The following LARGE1 variants were observed in gnomAD, a reference collection of about 807,000 sequenced individuals.
LARGE1 encodes the protein xylosyl- and glucuronyltransferase LARGE1.
Under a neutral mutation model 87.6 loss-of-function variants are expected in LARGE1, and 43 were observed. The observed-to-expected ratio is 0.49, with a 90% CI of 0.38 to 0.63. The LOEUF is 0.63. Ranked by LOEUF, LARGE1 falls within the 30% of genes least tolerant of loss-of-function variation. LARGE1 has a pLI of 0.00. For synonymous variants in LARGE1, 434 were observed against 394.6 expected (o/e 1.10, Z -1.18); for missense variants, 802 against 1,000.2 (o/e 0.80, Z 2.67).
chr22:33,249,691 T>C (rs935529299), intron 11 of LARGE1, among the ~76,000 whole-genome samples: 21 of 152,228 alleles, frequency 1.4e-4, no homozygotes, highest in African/African-American at 4.8e-4. Context: ...TTTAGGTCTA[T>C]GATCCACTTT....
intron 11 of LARGE1, among the ~76,000 whole-genome samples, chr22:33,180,883 A>T (rs997991573): frequency 6.6e-6 from 1 of 152,128 alleles, no homozygotes; most frequent in Non-Finnish European, 1.5e-5. Context: ...AAATCGAGAG[A>T]CAAAAAGTAG....
chr22:33,908,662 G>T (rs1042088305), intron 1 of LARGE1, among the ~76,000 whole-genome samples: 1 of 152,094 alleles, frequency 6.6e-6, no homozygotes, highest in Admixed American at 6.6e-5. Flanking sequence ...GCCAGTGAGG[G>T]TAAGTACACA....
At chr22:33,327,061 G>A (rs866453198) in intron 10 of LARGE1, among the ~76,000 whole-genome samples, 11 of 152,146 alleles carry the variant, frequency 7.2e-5, no homozygotes, top group Non-Finnish European at 1.6e-4. Context: ...GGCGACATGC[G>A]GCTCGCACGT....
chr22:33,179,643 T>C (rs1413865381), intron 11 of LARGE1, among the ~76,000 whole-genome samples: 1 of 152,194 alleles, frequency 6.6e-6, no homozygotes, highest in Non-Finnish European at 1.5e-5. Flanking sequence ...CTCTTCTGTA[T>C]ATCCCAACAA....
intron 11 of LARGE1, among the ~76,000 whole-genome samples, chr22:33,245,058 C>T (rs2015251325): frequency 6.6e-6 from 1 of 152,180 alleles, no homozygotes. Flanking sequence ...CCATTTAGTC[C>T]ATCCCTGGAG....
chr22:33,796,435 T>C (rs2085986380), intron 1 of LARGE1, among the ~76,000 whole-genome samples: 1 of 152,072 alleles, frequency 6.6e-6, no homozygotes, highest in Admixed American at 6.6e-5. Flanking sequence ...GCAAAGCCAC[T>C]AGCGAAATGA....
intron 9 of LARGE1, among the ~76,000 whole-genome samples, chr22:33,338,658 A>AG (rs1307256292): frequency 6.6e-6 from 1 of 152,242 alleles, no homozygotes; most frequent in East Asian, 1.9e-4. Flanking sequence ...ATGCCTATAA[A>AG]GCATGTAAAT....
rs77182445 is a variant in LARGE1 at position 33,465,021 on chromosome 22, T to C, written c.788-32756A>G. On this transcript the variant is annotated intron_variant, in intron 6 of 14. Transcript: ENST00000397394. ...AAAACCCTAGGAGATACATAAATAG[T>C]ACTCACAGAAGTATTAGGAATAGCC... is the stretch of plus-strand genomic sequence containing the variant. Among the ~76,000 whole-genome samples the C allele has an allele frequency of 4.8e-3, 724 of 152,296 alleles. 9 individuals are homozygous for C. Among genetic ancestry groups the C allele is most frequent in the African/African-American group, 0.017 (693 of 41,546 alleles).
chr22:33,433,427 T>C (rs1394111739), intron 6 of LARGE1, among the ~76,000 whole-genome samples: 1 of 151,676 alleles, frequency 6.6e-6, no homozygotes, highest in South Asian at 2.1e-4. Context: ...AAACCCCATC[T>C]CTACTAAAAA....
intron 2 of LARGE1, among the ~76,000 whole-genome samples, chr22:33,708,881 G>A (rs1192089284): frequency 1.3e-5 from 2 of 152,050 alleles, no homozygotes; most frequent in Admixed American, 6.5e-5. Flanking sequence ...TTACAGGCGC[G>A]AGCCATCACC....
At chr22:33,821,788 T>C (rs2146261238) in intron 1 of LARGE1, among the ~76,000 whole-genome samples, 1 of 152,204 alleles carries the variant, frequency 6.6e-6, no homozygotes, top group East Asian at 1.9e-4. Flanking sequence ...AATACATTAT[T>C]GGAAATCTTC....
In LARGE1 at chr22:33,651,045, A is replaced by G. The variant is rs898632394; in HGVS notation, c.107-377T>C. 2.6e-5 allele frequency among the ~76,000 whole-genome samples: 4 copies of G among 151,804 alleles called. No individual in the cohort carries two copies. The South Asian group carries it at 8.3e-4, about 32-fold the overall frequency. ...AAAGACAAGGGAGGGGAGAAGGAGT[A>G]CCAGGAAGTGGAGGGGAGCAAGAGG... On this transcript the variant is annotated intron_variant, in intron 2 of 14. Transcript: ENST00000397394.
intron 4 of LARGE1, among the ~76,000 whole-genome samples, chr22:33,612,143 G>A (rs1044962067): frequency 5.1e-5 from 6 of 117,590 alleles, no homozygotes; most frequent in Non-Finnish European, 8.5e-5. Context: ...CGCTCTTATT[G>A]CCCAGGCTAG....
Position 33,616,963 on chromosome 22 carries a change from TTTAC to T in LARGE1, c.491+9277_491+9280del, listed in dbSNP as rs571966952. ...CTTTTAAAGAGCAAATTTTATCATA[TTTAC>T]TTATTCATCTCAGAGGAATAGGCAA... On this transcript the variant is annotated intron_variant, in intron 4 of 14. Coordinates refer to ENST00000397394, the MANE Select transcript of LARGE1 (RefSeq NM_133642.5). Among the ~76,000 whole-genome samples the T allele has an allele frequency of 3.8e-3, 576 of 152,366 alleles. 2 individuals carry two copies. Among genetic ancestry groups the T allele is most frequent in the Non-Finnish European group, 5.7e-3 (391 of 68,038 alleles).
chr22:33,645,613 A>C (rs2149160927), intron 3 of LARGE1, among the ~76,000 whole-genome samples: 1 of 152,342 alleles, frequency 6.6e-6, no homozygotes, highest in South Asian at 2.1e-4. Context: ...TAAACTAAAG[A>C]GCTTCTGCAC....
intron 11 of LARGE1, among the ~76,000 whole-genome samples, chr22:33,178,837 T>A (rs1244468190): frequency 6.6e-6 from 1 of 152,226 alleles, no homozygotes. Flanking sequence ...AGAATTATGA[T>A]AAAATGTATA....
chr22:33,299,329 G>A (rs1933827364), intron 12 of LARGE1, among the ~76,000 whole-genome samples: 2 of 152,196 alleles, frequency 1.3e-5, no homozygotes, highest in East Asian at 1.9e-4. Flanking sequence ...GGGGAAAAGA[G>A]GGAAGGGAAA....
chr22:33,509,711 G>C (rs571489381), intron 6 of LARGE1, among the ~76,000 whole-genome samples: 1 of 152,248 alleles, frequency 6.6e-6, no homozygotes, highest in South Asian at 2.1e-4. Context: ...CTTGGCCTCT[G>C]AAAGTGCTGG....
At chr22:33,495,022 G>A (rs937231887) in intron 6 of LARGE1, among the ~76,000 whole-genome samples, 7 of 151,964 alleles carry the variant, frequency 4.6e-5, no homozygotes, top group Admixed American at 6.6e-5. Context: ...TGATTTCCTC[G>A]TTCCCTCTAT....
Sources: allele counts gnomAD v4.1 joint callset (sites outside exome capture counted in the v4.1 genomes callset), GRCh38; gene constraint gnomAD v4.1.1; transcripts MANE v1.5; gene names NCBI Gene and HGNC (gene_info 2026-07-23, HGNC 2026-07-21).